The following MRE11 variants were observed in gnomAD, a reference collection of about 807,000 sequenced individuals.
The protein encoded by MRE11 is double-strand break repair protein MRE11.
MRE11 carries 62 observed loss-of-function variants against 91.7 expected under a neutral mutation model. The ratio of observed to expected loss-of-function variants is 0.68; its 90% CI spans 0.55 to 0.84. The LOEUF (loss-of-function observed/expected upper bound fraction) is 0.84, where lower values mean the gene tolerates loss of function less well. Among genes scored for constraint, MRE11 ranks in the 40% least tolerant of loss-of-function variants. The pLI, the probability that MRE11 is intolerant of heterozygous loss-of-function variation, is 0.00. For synonymous variants in MRE11, 273 were observed against 271.4 expected (o/e 1.01, Z -0.06); for missense variants, 796 against 852.9 (o/e 0.93, Z 0.83).
Position 94,426,289 on chromosome 11 carries a change from T to C in MRE11, c.2070+3622A>G, listed in dbSNP as rs149798367. Among the ~76,000 whole-genome samples, 883 of 152,186 alleles carry C rather than the reference T, an allele frequency of 5.8e-3. 14 individuals are homozygous for C. The highest frequency in any genetic ancestry group is 0.019 in the African/African-American group (802 of 41,540). On this transcript the variant is annotated intron_variant, in intron 19 of 19. Coordinates refer to ENST00000323929, the MANE Select transcript of MRE11 (RefSeq NM_005591.4). ...ATTCTTTGAAATTAATAAAAATTCA[T>C]TCATTAATTAATGAAATTAATTTCA...
intron 14 of MRE11, among the ~76,000 whole-genome samples, chr11:94,455,994 A>C (rs1182483298): frequency 6.6e-6 from 1 of 152,150 alleles, no homozygotes; most frequent in African/African-American, 2.4e-5. Context: ...TCCTGGGCTC[A>C]CGCAATCCCC....
chr11:94,466,697 C>A lies in MRE11; in HGVS notation c.1098+1116G>T, dbSNP rs1946573827. 1.5e-5 allele frequency: 3 copies of A among 196,528 alleles called. No homozygotes were observed. The South Asian group carries it at 2.0e-4, about 13-fold the overall frequency. The allele number at this position is 196,528 out of a possible 1,614,324, so 12.2% of individuals were successfully genotyped here. A position where few individuals can be genotyped will look rare whatever the true frequency, so the allele number is the denominator to read the frequency against. The stretch of plus-strand genomic sequence containing the variant: ...CTCTTTACCTCCACAGTCTACATCC[C>A]AGTACTTCTCAAATTTTCATGAACA... On this transcript the variant is annotated intron_variant, in intron 10 of 19. Transcript: ENST00000323929.
At chr11:94,489,946 T>C (rs528101896) in intron 3 of MRE11, among the ~76,000 whole-genome samples, 1 of 152,142 alleles carries the variant, frequency 6.6e-6, no homozygotes, top group Non-Finnish European at 1.5e-5. Flanking sequence ...GTCACTGTCA[T>C]CCCTTTGCCC....
chr11:94,438,651 T>C (rs140061080), intron 16 of MRE11, among the ~76,000 whole-genome samples: 4 of 152,332 alleles, frequency 2.6e-5, no homozygotes, highest in African/African-American at 9.6e-5. Context: ...ATGAGTGATG[T>C]TGTGAAATAA....
upstream of MRE11, chr11:94,496,920 G>A: frequency 3.1e-6 from 5 of 1,613,466 alleles, no homozygotes; most frequent in Non-Finnish European, 4.2e-6. Context: ...GACCCAAGCA[G>A]ATTGCTTCTT....
At position 94,418,307 on chromosome 11, in the gene MRE11, G is replaced by GTT. The variant is rs973220184; in HGVS notation, c.*1817_*1818insAA. ...TAGCTGGAGAGATTTATCACCCTCT[G>GTT]TAACTGCTATGTCATCACTTTCCTT... On this transcript the variant is annotated 3_prime_UTR_variant, in exon 20 of 20. Transcript: ENST00000323929. 3 of 232,910 alleles carry GTT rather than the reference G, an allele frequency of 1.3e-5. No homozygotes were observed. The highest frequency in any genetic ancestry group is 6.6e-5 in the African/African-American group (3 of 45,276). The allele number at this position is 232,910 out of a possible 1,614,324, so 14.4% of individuals were successfully genotyped here.
At chr11:94,480,154 A>C (rs1290238455) in intron 4 of MRE11, among the ~76,000 whole-genome samples, 1 of 152,152 alleles carries the variant, frequency 6.6e-6, no homozygotes, top group African/African-American at 2.4e-5. Flanking sequence ...CAGCTCTATC[A>C]CTTATTGCCT....
At position 94,470,650 on chromosome 11, in the gene MRE11, G is replaced by A. The variant is rs1565228282; in HGVS notation, c.846-8C>T. Reference sequence around the variant, plus strand: ...CGCAGCAAACCAACATGTCTGAAGTGGAGAGAAATGAACACCGAGTCACAG... The same window carrying A: ...CGCAGCAAACCAACATGTCTGAAGTAGAGAGAAATGAACACCGAGTCACAG... On this transcript the variant is annotated splice_polypyrimidine_tract_variant and splice_region_variant and intron_variant, in intron 8 of 19. Transcript: ENST00000323929. The A allele has an allele frequency of 1.2e-6, 2 of 1,612,574 alleles. No homozygotes were observed. Among genetic ancestry groups the A allele is most frequent in the South Asian group, 1.1e-5 (1 of 91,032 alleles).
At chr11:94,478,317 TATAACATCCA>T (rs1449646463) in intron 6 of MRE11, among the ~76,000 whole-genome samples, 1 of 152,200 alleles carries the variant, frequency 6.6e-6, no homozygotes, top group South Asian at 2.1e-4. Context: ...CAGAATCAGA[TATAACATCCA>T]GATTTCATTT....
At chr11:94,505,073 CCTA>C in the MRE11 span, among the ~76,000 whole-genome samples, 1 of 152,182 alleles carries the variant, frequency 6.6e-6, no homozygotes, top group African/African-American at 2.4e-5. Flanking sequence ...TGTAAACAAA[CCTA>C]CTGCACTGCC....
At chr11:94,493,927 G>A (rs576570834), upstream of MRE11, 163 of 152,376 alleles carry the variant, frequency 1.1e-3, no homozygotes, top group Middle Eastern at 3.4e-3. Flanking sequence ...CAGTGAGGGG[G>A]CGGGGAAAGT....
the MRE11 span, among the ~76,000 whole-genome samples, chr11:94,500,746 C>T: frequency 6.6e-6 from 1 of 152,112 alleles, no homozygotes; most frequent in South Asian, 2.1e-4. Flanking sequence ...AGCCTTCCAA[C>T]CCACAGCCTA....
intron 16 of MRE11, among the ~76,000 whole-genome samples, chr11:94,440,692 G>A (rs1206808393): frequency 6.6e-6 from 1 of 152,228 alleles, no homozygotes; most frequent in Admixed American, 6.5e-5. Context: ...GTTGAAGAGA[G>A]AAGCAGAGGT....
chr11:94,435,320 C>G (rs1173299795), intron 18 of MRE11, among the ~76,000 whole-genome samples: 1 of 152,026 alleles, frequency 6.6e-6, no homozygotes, highest in African/African-American at 2.4e-5. Flanking sequence ...TTTGGGAGGT[C>G]GAGGTGGGTG....
chr11:94,472,054 C>T (rs1203629552), intron 7 of MRE11, among the ~76,000 whole-genome samples: 1 of 151,936 alleles, frequency 6.6e-6, no homozygotes, highest in African/African-American at 2.4e-5. Flanking sequence ...CCCCTTTGGT[C>T]AATCAGAAAA....
At chr11:94,493,040 AC>A (rs1475031234) in intron 1 of MRE11, 134 bp from the exon 2 acceptor site, 2 of 559,560 alleles carry the variant, frequency 3.6e-6, no homozygotes, top group Non-Finnish European at 6.3e-6. Flanking sequence ...TCATCTAAGC[AC>A]CCACTATACT....
intron 1 of MRE11, chr11:94,493,530 C>G (rs1177831442): frequency 6.6e-6 from 1 of 152,218 alleles, no homozygotes; most frequent in African/African-American, 2.4e-5. Context: ...AGCCTCAACA[C>G]GCCCTCACCG....
intron 14 of MRE11, 33 bp downstream of exon 14, chr11:94,456,243 T>C (rs1946245048): frequency 5.6e-6 from 9 of 1,593,852 alleles, no homozygotes; most frequent in Non-Finnish European, 6.9e-6. Context: ...GAAAGTGATA[T>C]ATAAACACAA....
At chr11:94,510,851 C>T in the MRE11 span, among the ~76,000 whole-genome samples, 1 of 152,194 alleles carries the variant, frequency 6.6e-6, no homozygotes, top group Non-Finnish European at 1.5e-5. Context: ...TATACACACA[C>T]GTACAAACAT....
Sources: allele counts gnomAD v4.1 joint callset (sites outside exome capture counted in the v4.1 genomes callset), GRCh38; gene constraint gnomAD v4.1.1; transcripts MANE v1.5; gene names NCBI Gene and HGNC (gene_info 2026-07-23, HGNC 2026-07-21).